Variants in ACOX1 observed in about 807,000 individuals in gnomAD.
ACOX1 encodes the protein peroxisomal acyl-coenzyme A oxidase 1.
A neutral mutation model predicts 75.5 loss-of-function variants in ACOX1; 41 were observed. The ratio of observed to expected loss-of-function variants is 0.54; its 90% CI spans 0.42 to 0.70. The LOEUF is 0.70. Among genes scored for constraint, ACOX1 ranks in the 30% least tolerant of loss-of-function variants. ACOX1 has a pLI of 0.00. For synonymous variants in ACOX1, 303 were observed against 298.8 expected (o/e 1.01, Z -0.15); for missense variants, 630 against 837.5 (o/e 0.75, Z 3.06).
Position 75,954,568 on chromosome 17 carries a change from CTTTTTT to C in ACOX1, c.775-954_775-949del, listed in dbSNP as rs778030630. On this transcript the variant is annotated intron_variant, in intron 6 of 13. Coordinates refer to ENST00000293217, the MANE Select transcript of ACOX1 (RefSeq NM_004035.7). ...AGAAGGAAAAATGCATTATTAGCTCCTTTTTTTTTTTTTTTTTTTTTGAGACAGAGT... is the reference window on the plus strand; with the variant it reads ...AGAAGGAAAAATGCATTATTAGCTCCTTTTTTTTTTTTTTTGAGACAGAGT... Among the ~76,000 whole-genome samples the C allele has an allele frequency of 1.9e-3, 219 of 115,654 alleles. 6 individuals carry two copies. Among genetic ancestry groups the C allele is most frequent in the African/African-American group, 7.5e-3 (209 of 27,696 alleles). The allele number at this position is 115,654 out of a possible 152,430, so 75.9% of individuals were successfully genotyped here.
At chr17:75,951,280 C>T (rs2065771462) in intron 8 of ACOX1, 135 bp downstream of exon 8, 4 of 1,116,906 alleles carry the variant, frequency 3.6e-6, no homozygotes, top group Non-Finnish European at 3.9e-6. Context: ...ATCTGATCTA[C>T]TTTCAACCAG....
At position 75,950,482 on chromosome 17, in the gene ACOX1, C is replaced by T. The variant is rs957767895; in HGVS notation, c.1298+292G>A. Among the ~76,000 whole-genome samples the T allele has an allele frequency of 6.6e-6, 1 of 151,858 alleles. No individual in the cohort carries two copies. Among genetic ancestry groups the T allele is most frequent in the Non-Finnish European group, 1.5e-5 (1 of 67,968 alleles). On this transcript the variant is annotated intron_variant, in intron 9 of 13. Coordinates refer to ENST00000293217, the MANE Select transcript of ACOX1 (RefSeq NM_004035.7). The surrounding 1 kb of genome is among the most constrained non-coding windows in gnomAD (Gnocchi z 4.3). ...GATCAAGCTGGTCTTGAACTCCTTA[C>T]CTCATGATCTGCCCACCTCAGCTTC...
At chr17:75,968,435 C>CA (rs55909021) in intron 2 of ACOX1, among the ~76,000 whole-genome samples, 678 of 20,962 alleles carry the variant, frequency 0.032, 44 homozygotes, top group East Asian at 0.14. Context: ...GACTCCGTCT[C>CA]AAAAAAAAAA....
Position 75,978,325 on chromosome 17 carries a change from C to CT in ACOX1, c.269+208dup. The CT allele has an allele frequency of 1.9e-6, 1 of 523,564 alleles. No individual in the cohort carries two copies. The highest frequency in any genetic ancestry group is 1.7e-5 in the South Asian group (1 of 57,144). 32.4% of individuals were successfully genotyped at this position (523,564 alleles called of 1,614,324 possible). On this transcript the variant is annotated intron_variant, in intron 2 of 13. Transcript: ENST00000293217. The surrounding 1 kb of genome is among the most constrained non-coding windows in gnomAD (Gnocchi z 4.2). Reference sequence around the variant, plus strand: ...AGCCAGAATGGTCTCGATCTCCTGACTTGGTGATCCGCCCGCCTCGGCCTC... The same window carrying CT: ...AGCCAGAATGGTCTCGATCTCCTGACTTTGGTGATCCGCCCGCCTCGGCCTC...
rs1363779472 is a variant in ACOX1, at chr17:75,945,812, C to T, written c.*936G>A. On this transcript the variant is annotated 3_prime_UTR_variant, in exon 14 of 14. Transcript: ENST00000293217. The stretch of plus-strand genomic sequence containing the variant: ...TTAAAAAAAAAACAACTCACAGTTT[C>T]AATATTTTCTGAACCAAAAATCAGA... 2.6e-5 allele frequency: 4 copies of T among 152,520 alleles called. No individual in the cohort carries two copies. The highest frequency in any genetic ancestry group is 4.8e-5 in the African/African-American group (2 of 41,374). 9.4% of individuals were successfully genotyped at this position (152,520 alleles called of 1,614,324 possible).
chr17:75,954,891 C>T (rs1052667535), intron 6 of ACOX1, among the ~76,000 whole-genome samples: 16 of 147,228 alleles, frequency 1.1e-4, no homozygotes, highest in African/African-American at 1.8e-4. Flanking sequence ...TTTTATGAGA[C>T]GGAGTCTCAC....
chr17:75,964,386 A>G (rs530000486), intron 2 of ACOX1, among the ~76,000 whole-genome samples: 1 of 152,166 alleles, frequency 6.6e-6, no homozygotes, highest in African/African-American at 2.4e-5. Context: ...TCATGCTTTT[A>G]TGGAAGGTTA....
intron 3 of ACOX1, among the ~76,000 whole-genome samples, chr17:75,958,682 C>T (rs913634202): frequency 2.6e-5 from 4 of 152,008 alleles, no homozygotes; most frequent in Admixed American, 1.3e-4. Context: ...GTGGTGGGTG[C>T]CTGTAGTCCC....
In ACOX1 at chr17:75,950,443, G is replaced by A. The variant is rs1039502443; in HGVS notation, c.1298+331C>T. Among the ~76,000 whole-genome samples the A allele has an allele frequency of 3.3e-5, 5 of 151,934 alleles. No individual in the cohort carries two copies. Among genetic ancestry groups the A allele is most frequent in the Middle Eastern group, 3.4e-3 (1 of 294 alleles). On this transcript the variant is annotated intron_variant, in intron 9 of 13. Transcript: ENST00000293217. This position sits in a 1 kb window ranked among gnomAD's most constrained non-coding sequence, Gnocchi z 4.3. ...TTTTGTATTTTTTTAGTAGAGACAC[G>A]GTTTCACCATGTTGATCAAGCTGGT...
In ACOX1 at chr17:75,949,825, G is replaced by C. The variant is rs1241257875; in HGVS notation, c.1371C>G (p.Asp457Glu). The C allele has an allele frequency of 5.6e-6, 9 of 1,614,212 alleles. No individual in the cohort carries two copies. The East Asian group carries it at 2.0e-4, about 36-fold the overall frequency. Reference sequence around the variant, plus strand: ...GTGGCTGGATGCGCTGACTGGGCAGGTCGTTCAAATAGGACACCATGCCAC... The same window carrying C: ...GTGGCTGGATGCGCTGACTGGGCAGCTCGTTCAAATAGGACACCATGCCAC... ...LVCGMVSYLNDLPSQRIQPQQ... is the reference protein window; with the variant it reads ...LVCGMVSYLNELPSQRIQPQQ... The change falls in exon 10 of 14, where the codon GAC (aspartate) becomes GAG (glutamate). Residue 457 changes from aspartate (D) to glutamate (E), a missense_variant. Physicochemically the swap from Asp to Glu is conservative, Grantham distance 45 (BLOSUM62 2). Around this residue, in one of 2 missense-constraint regions of ACOX1, gnomAD observed 240 missense variants for 262.7 expected, o/e 0.91. Coordinates refer to ENST00000293217, the MANE Select transcript of ACOX1 (RefSeq NM_004035.7).
chr17:75,967,241 C>T (rs983051959), intron 2 of ACOX1, among the ~76,000 whole-genome samples: 2 of 151,940 alleles, frequency 1.3e-5, no homozygotes, highest in East Asian at 1.9e-4. Context: ...GAGACCGAGG[C>T]GGGTGGATCA....
In ACOX1 at chr17:75,978,676, C is replaced by G; in HGVS notation, c.127G>C (p.Asp43His). The change falls in exon 2 of 14, where the codon GAC (aspartate) becomes CAC (histidine). Residue 43 changes from aspartate to histidine, a missense_variant. Around this residue, in one of 2 missense-constraint regions of ACOX1, gnomAD observed 390 missense variants for 574.9 expected, o/e 0.68. Coordinates refer to ENST00000293217, the MANE Select transcript of ACOX1 (RefSeq NM_004035.7). The surrounding 1 kb of genome is among the most constrained non-coding windows in gnomAD (Gnocchi z 4.2). ...RREIENMILN[D>H]PDFQHEDLNF... ...AAGTCCTCATGCTGGAAGTCTGGGT[C>G]GTTCAGGATCATGTTCTCTGAAAGG... is the stretch of plus-strand genomic sequence containing the variant. The G allele has an allele frequency of 1.2e-6, 2 of 1,614,104 alleles. No homozygotes were observed. Among genetic ancestry groups the G allele is most frequent in the Non-Finnish European group, 8.5e-7 (1 of 1,180,050 alleles).
intron 2 of ACOX1, among the ~76,000 whole-genome samples, chr17:75,963,952 G>A (rs1489933939): frequency 6.6e-6 from 1 of 151,640 alleles, no homozygotes; most frequent in African/African-American, 2.4e-5. Context: ...GGGGGGCCAA[G>A]GTGGGCGGAT....
rs765864808 is a variant in ACOX1 at position 75,951,581 on chromosome 17, C to A, written c.945-4G>T. The A allele has an allele frequency of 1.2e-6, 2 of 1,613,876 alleles. No homozygotes were observed. The highest frequency in any genetic ancestry group is 1.7e-5 in the Admixed American group (1 of 59,988). ...CAAAATCTGTGGTTCTGGTTCACTA[C>A]GTGACATAGAAAAAGAAAAAAAGTA... On this transcript the variant is annotated splice_region_variant and splice_polypyrimidine_tract_variant and intron_variant, in intron 7 of 13. Coordinates refer to ENST00000293217, the MANE Select transcript of ACOX1 (RefSeq NM_004035.7).
intron 6 of ACOX1, among the ~76,000 whole-genome samples, chr17:75,954,631 G>T (rs1265397528): frequency 4.2e-5 from 6 of 142,514 alleles, no homozygotes; most frequent in Non-Finnish European, 9.2e-5. Flanking sequence ...GAGTGCAGTG[G>T]TGTGATCTCG....
chr17:75,949,893 G>A lies in ACOX1; in HGVS notation c.1303C>T (p.Leu435=). 2 of 1,614,152 alleles carry A rather than the reference G, an allele frequency of 1.2e-6. No homozygotes were observed. Among genetic ancestry groups the A allele is most frequent in the Non-Finnish European group, 8.5e-7 (1 of 1,180,036 alleles). ...TVMMLQTARF[L]MKSYDQVHSG... ...TGCACCTGATCATAACTTTTCATCAGGAACCTAAAAGTCACCAGTAAACAT... is the reference window on the plus strand; with the variant it reads ...TGCACCTGATCATAACTTTTCATCAAGAACCTAAAAGTCACCAGTAAACAT... Residue 435 remains leucine (L), a synonymous_variant, in exon 10 of 14, where the codon CTG becomes TTG. Transcript: ENST00000293217.
chr17:75,951,696 T>C, intron 7 of ACOX1, 119 bp from the exon 8 acceptor site: 1 of 987,346 alleles, frequency 1.0e-6, no homozygotes, highest in South Asian at 1.4e-5. Flanking sequence ...TTAAGGGCAC[T>C]GTGAGGTAGT....
intron 2 of ACOX1, among the ~76,000 whole-genome samples, chr17:75,964,875 G>C (rs562179167): frequency 6.6e-6 from 1 of 152,214 alleles, no homozygotes; most frequent in South Asian, 2.1e-4. Context: ...AGGCTGGAAA[G>C]GCTGACAATC....
rs1318411902 is a variant in ACOX1, at chr17:75,960,983, AAAAT to A, written c.270-612_270-609del. ...GACAGAGTGAGACTCTGTCTCAAAA[AAAAT>A]AAATAAATAAATAAGAGAGAATTGG... On this transcript the variant is annotated intron_variant, in intron 2 of 13. Transcript: ENST00000293217. This position sits in a 1 kb window ranked among gnomAD's most constrained non-coding sequence, Gnocchi z 4.4. 6.6e-5 allele frequency among the ~76,000 whole-genome samples: 10 copies of A among 151,930 alleles called. No homozygotes were observed. The highest frequency in any genetic ancestry group is 2.1e-4 in the South Asian group (1 of 4,816).
Sources: gnomAD v4.1 joint callset for allele counts (sites outside exome capture counted in the v4.1 genomes callset) on GRCh38, gnomAD v4.1.1 for gene constraint, gnomAD v4.1.1 regional missense constraint, Gnocchi (gnomAD v3.1) non-coding constraint, MANE v1.5 for transcripts, NCBI Gene and HGNC (gene_info 2026-07-23, HGNC 2026-07-21) for gene names.